Variants in TENM3 observed in about 807,000 individuals in gnomAD.
The protein encoded by TENM3 is teneurin transmembrane protein 3.
TENM3 carries 63 observed loss-of-function variants against 255.1 expected under a neutral mutation model. The ratio of observed to expected loss-of-function variants is 0.25; its 90% confidence interval spans 0.20 to 0.30. TENM3 has a LOEUF of 0.30. Among genes scored for constraint, TENM3 ranks in the 10% least tolerant of loss-of-function variants. TENM3 has a pLI of 1.00. For synonymous variants in TENM3, 1,306 were observed against 1,322.3 expected (o/e 0.99, Z 0.27); for missense variants, 2,929 against 3,461.1 (o/e 0.85, Z 3.86).
At chr4:181,934,121 T>A in the TENM3 span, among the ~76,000 whole-genome samples, 1 of 151,870 alleles carries the variant, frequency 6.6e-6, no homozygotes, top group Non-Finnish European at 1.5e-5. Flanking sequence ...GAATATGATG[T>A]TGGACAATGC....
At chr4:182,098,963 CTTTTTTTTTTT>C in the TENM3 span, among the ~76,000 whole-genome samples, 3 of 131,230 alleles carry the variant, frequency 2.3e-5, no homozygotes, top group Non-Finnish European at 4.8e-5. Flanking sequence ...CTCTTTTTTT[CTTTTTTTTTTT>C]TTTTTTGGAC....
the TENM3 span, among the ~76,000 whole-genome samples, chr4:181,922,840 T>G: frequency 6.6e-6 from 1 of 152,004 alleles, no homozygotes; most frequent in African/African-American, 2.4e-5. Context: ...GTGTCAATTT[T>G]GGATCTTTCC....
chr4:181,629,368 A>C, the TENM3 span, among the ~76,000 whole-genome samples: 4 of 152,124 alleles, frequency 2.6e-5, no homozygotes, highest in Non-Finnish European at 4.4e-5. Flanking sequence ...AACTTCCGAC[A>C]CTGTGTTGAA....
chr4:181,964,162 T>C, the TENM3 span, among the ~76,000 whole-genome samples: 1 of 151,832 alleles, frequency 6.6e-6, no homozygotes, highest in Non-Finnish European at 1.5e-5. Context: ...TTAGGGCCTT[T>C]GACCAGATGG....
the TENM3 span, among the ~76,000 whole-genome samples, chr4:181,612,739 A>G: frequency 6.6e-6 from 1 of 152,228 alleles, no homozygotes; most frequent in Non-Finnish European, 1.5e-5. Context: ...TAAAGGCTTA[A>G]CATACTAATT....
chr4:182,694,890 ATGG>A (rs1757281076), intron 12 of TENM3, among the ~76,000 whole-genome samples: 1 of 152,228 alleles, frequency 6.6e-6, no homozygotes, highest in East Asian at 1.9e-4. Flanking sequence ...ATCTCAGATA[ATGG>A]TGAAAGAATA....
At chr4:182,622,614 A>T (rs906382742) in intron 4 of TENM3, among the ~76,000 whole-genome samples, 2 of 152,222 alleles carry the variant, frequency 1.3e-5, no homozygotes, top group African/African-American at 4.8e-5. Flanking sequence ...AAGCTAAAAC[A>T]CACATCCCAG....
At chr4:182,582,458 G>T (rs10520536) in intron 3 of TENM3, among the ~76,000 whole-genome samples, 1 of 152,106 alleles carries the variant, frequency 6.6e-6, no homozygotes, top group South Asian at 2.1e-4. Context: ...AGCCTATTGC[G>T]TAATCAGCTT....
At chr4:182,571,076 CA>C (rs745987206) in intron 3 of TENM3, among the ~76,000 whole-genome samples, 44 of 152,116 alleles carry the variant, frequency 2.9e-4, no homozygotes, top group Admixed American at 5.9e-4. Context: ...TAAAATCAAA[CA>C]GCTGCAAACA....
the TENM3 span, among the ~76,000 whole-genome samples, chr4:182,100,409 C>T: frequency 4.9e-3 from 690 of 141,214 alleles, 5 homozygotes; most frequent in Non-Finnish European, 6.9e-3. Flanking sequence ...AACGACCAGC[C>T]TCGGTAACAT....
intron 25 of TENM3, among the ~76,000 whole-genome samples, chr4:182,791,184 A>G (rs1234680746): frequency 6.6e-6 from 1 of 152,344 alleles, no homozygotes. Context: ...TTCTCAGGAC[A>G]TTTACTACAC....
chr4:182,092,060 A>C, the TENM3 span, among the ~76,000 whole-genome samples: 5 of 152,158 alleles, frequency 3.3e-5, no homozygotes, highest in Admixed American at 1.3e-4. Context: ...AATAAACTAC[A>C]AGGCCACGGT....
intron 1 of TENM3, among the ~76,000 whole-genome samples, chr4:182,169,699 G>A (rs562023504): frequency 6.0e-4 from 92 of 152,138 alleles, no homozygotes; most frequent in African/African-American, 1.9e-3. Flanking sequence ...ATTGGCGTTT[G>A]TTAACAGCAA....
At chr4:182,676,170 G>A (rs1360047904) in intron 7 of TENM3, among the ~76,000 whole-genome samples, 1 of 152,226 alleles carries the variant, frequency 6.6e-6, no homozygotes, top group African/African-American at 2.4e-5. Flanking sequence ...AGTTGCTTGA[G>A]CTTTCGCAGT....
chr4:181,596,849 C>T, the TENM3 span, among the ~76,000 whole-genome samples: 1 of 152,062 alleles, frequency 6.6e-6, no homozygotes, highest in Non-Finnish European at 1.5e-5. Context: ...CCAAATACCA[C>T]ATGTTGTCAC....
At chr4:181,475,742 T>G in the TENM3 span, among the ~76,000 whole-genome samples, 1 of 152,368 alleles carries the variant, frequency 6.6e-6, no homozygotes, top group East Asian at 1.9e-4. Flanking sequence ...TGATGAAGAT[T>G]AACTTAAGTT....
the TENM3 span, among the ~76,000 whole-genome samples, chr4:181,816,472 A>T: frequency 2.0e-5 from 3 of 152,222 alleles, no homozygotes; most frequent in African/African-American, 7.2e-5. Context: ...ATTATAAATA[A>T]TAAAGCCTTC....
At chr4:182,058,534 TTATC>T in the TENM3 span, among the ~76,000 whole-genome samples, 4 of 151,458 alleles carry the variant, frequency 2.6e-5, no homozygotes, top group African/African-American at 9.7e-5. Flanking sequence ...GAAAGCTCCT[TTATC>T]TAGAACATAA....
chr4:181,632,075 C>G, the TENM3 span, among the ~76,000 whole-genome samples: 1 of 152,106 alleles, frequency 6.6e-6, no homozygotes, highest in Admixed American at 6.5e-5. Flanking sequence ...TGTTTTCACA[C>G]TGCTATAAAG....
Sources: allele counts gnomAD v4.1 joint callset (sites outside exome capture counted in the v4.1 genomes callset), GRCh38; gene constraint gnomAD v4.1.1; transcripts MANE v1.5; gene names NCBI Gene and HGNC (gene_info 2026-07-23, HGNC 2026-07-21).